RBFOX1: variants seen among roughly 807,000 people sequenced by gnomAD.
RBFOX1 encodes RNA binding protein fox-1 homolog 1.
A neutral mutation model predicts 57.7 loss-of-function variants in RBFOX1; 8 were observed. The observed-to-expected ratio is 0.14, with a 90% CI of 0.08 to 0.25. The LOEUF is 0.25. RBFOX1 is among the 10% of genes least tolerant of loss of function. The probability of loss-of-function intolerance (pLI) is 1.00; values close to 1 mark genes in which losing one functional copy is unlikely to be tolerated. For synonymous variants in RBFOX1, 326 were observed against 222.4 expected (o/e 1.47, Z -4.15); for missense variants, 611 against 548.5 (o/e 1.11, Z -1.14).
In RBFOX1 at chr16:5,846,738, T is replaced by G. The variant is rs567582314; in HGVS notation, c.319-20565T>G. ...CCATTGCTCAGGTAGCCAAGAATGCTCCACTTCACAGTCTTTGCATGATGG... is the reference window on the plus strand; with the variant it reads ...CCATTGCTCAGGTAGCCAAGAATGCGCCACTTCACAGTCTTTGCATGATGG... On this transcript the variant is annotated intron_variant, in intron 3 of 19. Transcript: ENST00000641259. Among the ~76,000 whole-genome samples the G allele has an allele frequency of 5.3e-5, 8 of 152,304 alleles. No homozygotes were observed. In the South Asian group the frequency reaches 1.7e-3, roughly 32 times the overall value.
intron 2 of RBFOX1, among the ~76,000 whole-genome samples, chr16:6,511,747 T>G (rs941335249): frequency 6.6e-6 from 1 of 152,180 alleles, no homozygotes; most frequent in Non-Finnish European, 1.5e-5. Context: ...TATAGATGGA[T>G]TTTATAAGAA....
chr16:5,756,829 A>G (rs2053414930), intron 3 of RBFOX1, among the ~76,000 whole-genome samples: 1 of 152,174 alleles, frequency 6.6e-6, no homozygotes, highest in Non-Finnish European at 1.5e-5. Context: ...TCTCAATAAT[A>G]CAGCTAACAG....
intron 1 of RBFOX1, among the ~76,000 whole-genome samples, chr16:5,315,854 C>T (rs1367664631): frequency 1.3e-5 from 2 of 152,112 alleles, no homozygotes; most frequent in African/African-American, 2.4e-5. Context: ...TGTCTAGAGC[C>T]TGTAGACGCA....
intron 3 of RBFOX1, among the ~76,000 whole-genome samples, chr16:5,732,313 G>T (rs957232589): frequency 1.3e-5 from 2 of 152,180 alleles, no homozygotes; most frequent in Non-Finnish European, 2.9e-5. Context: ...AGCCAAGAGG[G>T]AACGTACCTT....
intron 1 of RBFOX1, among the ~76,000 whole-genome samples, chr16:5,339,470 G>GTTTGTTTTTTT: frequency 2.4e-5 from 1 of 40,854 alleles, no homozygotes; most frequent in Non-Finnish European, 4.5e-5. Flanking sequence ...CTTTTTCCGT[G>GTTTGTTTTTTT]TTTTTTTTTT....
intron 2 of RBFOX1, among the ~76,000 whole-genome samples, chr16:6,339,390 T>C (rs901721711): frequency 1.6e-4 from 25 of 152,092 alleles, no homozygotes; most frequent in Admixed American, 1.6e-3. Flanking sequence ...GAGAAAGTGG[T>C]TTAATTATGG....
At chr16:5,755,334 A>G (rs1315669119) in intron 3 of RBFOX1, among the ~76,000 whole-genome samples, 7 of 152,040 alleles carry the variant, frequency 4.6e-5, no homozygotes, top group Non-Finnish European at 7.4e-5. Flanking sequence ...TAACAATCTG[A>G]TCTCTCTTGC....
In RBFOX1 at chr16:6,256,714, A is replaced by G. The variant is rs113442274; in HGVS notation, c.-126-60281A>G. The stretch of plus-strand genomic sequence containing the variant: ...ACACTTCGTAGCATCCCCGGCTGCC[A>G]CTCATGACATGCCAGCAGTGTCTTC... On this transcript the variant is annotated intron_variant, in intron 1 of 15. Coordinates refer to ENST00000550418, the MANE Select transcript of RBFOX1 (RefSeq NM_018723.4). Among the ~76,000 whole-genome samples the G allele has an allele frequency of 1.3e-3, 194 of 152,132 alleles. 1 individual carries two copies. The highest frequency in any genetic ancestry group is 4.1e-3 in the African/African-American group (169 of 41,520).
chr16:6,433,467 G>T (rs1161911117), intron 2 of RBFOX1, among the ~76,000 whole-genome samples: 1 of 152,216 alleles, frequency 6.6e-6, no homozygotes, highest in Admixed American at 6.5e-5. Context: ...TGGGGCCAGA[G>T]GCCAGCCTAG....
rs373222229 is a variant in RBFOX1, at chr16:6,489,786, T to G, written c.-63-164817T>G. ...GCACTTCACCTGGGTCAGGAGGTCT[T>G]GTGAATTCTCTCTACCATGACCACC... On this transcript the variant is annotated intron_variant, in intron 2 of 15. Transcript: ENST00000550418. Among the ~76,000 whole-genome samples the G allele has an allele frequency of 8.5e-5, 13 of 152,280 alleles. No homozygotes were observed. The East Asian group carries it at 1.7e-3, about 20-fold the overall frequency.
intron 4 of RBFOX1, among the ~76,000 whole-genome samples, chr16:7,261,364 C>T (rs570730361): frequency 6.6e-6 from 1 of 152,262 alleles, no homozygotes; most frequent in South Asian, 2.1e-4. Context: ...GTCATGATGT[C>T]CAGACATCAA....
At chr16:5,477,038 A>C (rs2069350138) in intron 2 of RBFOX1, among the ~76,000 whole-genome samples, 2 of 152,160 alleles carry the variant, frequency 1.3e-5, no homozygotes, top group Admixed American at 1.3e-4. Context: ...TTTTTGAGAC[A>C]GGTCTCGCTC....
At chr16:6,604,344 T>G (rs908677377) in intron 2 of RBFOX1, among the ~76,000 whole-genome samples, 2 of 152,164 alleles carry the variant, frequency 1.3e-5, no homozygotes, top group African/African-American at 4.8e-5. Flanking sequence ...CTTATTTTTT[T>G]AATTTATTTT....
At chr16:6,776,691 C>T (rs1017669864) in intron 3 of RBFOX1, among the ~76,000 whole-genome samples, 4 of 152,194 alleles carry the variant, frequency 2.6e-5, no homozygotes, top group Non-Finnish European at 5.9e-5. Context: ...AGGTTATAAG[C>T]TCCCCCATGC....
chr16:7,313,853 A>G (rs1015879839), intron 4 of RBFOX1, among the ~76,000 whole-genome samples: 5 of 152,030 alleles, frequency 3.3e-5, no homozygotes, highest in African/African-American at 7.2e-5. Flanking sequence ...CACCATCCCT[A>G]TGTCCTCCTC....
chr16:6,210,870 G>A (rs1435337090), intron 1 of RBFOX1, among the ~76,000 whole-genome samples: 1 of 152,206 alleles, frequency 6.6e-6, no homozygotes, highest in African/African-American at 2.4e-5. Flanking sequence ...AATAGCCCTA[G>A]AGGTGTCAGC....
At chr16:5,759,830 C>G (rs1037492953) in intron 3 of RBFOX1, among the ~76,000 whole-genome samples, 1 of 152,102 alleles carries the variant, frequency 6.6e-6, no homozygotes, top group Non-Finnish European at 1.5e-5. Context: ...TTCTCCCTCA[C>G]CAGTGCAGGG....
At chr16:7,688,935 C>T (rs1332286110) in intron 14 of RBFOX1, among the ~76,000 whole-genome samples, 2 of 151,776 alleles carry the variant, frequency 1.3e-5, no homozygotes, top group African/African-American at 2.4e-5. Context: ...GATTAAATAC[C>T]CCCTACGTGA....
At chr16:6,355,585 C>T (rs1378079726) in intron 2 of RBFOX1, among the ~76,000 whole-genome samples, 8 of 152,172 alleles carry the variant, frequency 5.3e-5, no homozygotes, top group Admixed American at 3.3e-4. Flanking sequence ...AATAGTGACA[C>T]AATAAACATA....
Sources: allele counts gnomAD v4.1 joint callset (sites outside exome capture counted in the v4.1 genomes callset), GRCh38; gene constraint gnomAD v4.1.1; transcripts MANE v1.5; gene names NCBI Gene and HGNC (gene_info 2026-07-23, HGNC 2026-07-21).